ZNF595: variants seen among roughly 807,000 people sequenced by gnomAD.
ZNF595 encodes zinc finger protein 595.
Under a neutral mutation model 19.4 loss-of-function variants are expected in ZNF595, and 9 were observed. That is an observed-to-expected ratio of 0.46 (90% CI 0.28 to 0.81). ZNF595 has a LOEUF of 0.81. Ranked by LOEUF, ZNF595 falls within the 30% of genes least tolerant of loss-of-function variation. ZNF595 has a pLI of 0.11. For synonymous variants in ZNF595, 255 were observed against 255.9 expected (o/e 1.00, Z 0.03); for missense variants, 729 against 736.0 (o/e 0.99, Z 0.11).
At chr4:82,372 G>GTTTTTTTTTTTTTT (rs34932652) in intron 3 of ZNF595, among the ~76,000 whole-genome samples, 1 of 85,922 alleles carries the variant, frequency 1.2e-5, no homozygotes, top group African/African-American at 4.3e-5. Context: ...TTGGTTTGTG[G>GTTTTTTTTTTTTTT]TTTTTTTTTT....
rs956236775 is a variant in ZNF595 at position 79,057 on chromosome 4, A to G, written c.227-6674A>G. On this transcript the variant is annotated intron_variant, in intron 3 of 3. Coordinates refer to ENST00000610261, the MANE Select transcript of ZNF595 (RefSeq NM_182524.4). ...TTACTTTATTTTGCAATGGATCTCT[A>G]GATTAATTTTACCTTACAAAAGTAA... Among the ~76,000 whole-genome samples, 9 of 152,246 alleles carry G rather than the reference A, an allele frequency of 5.9e-5. 1 individual carries two copies. The South Asian group carries it at 1.9e-3, about 31-fold the overall frequency.
At chr4:85,047 A>G (rs544583873) in intron 3 of ZNF595, among the ~76,000 whole-genome samples, 1 of 152,336 alleles carries the variant, frequency 6.6e-6, no homozygotes, top group African/African-American at 2.4e-5. Context: ...TTGTCCTGAC[A>G]TAGTCTGAAA....
At chr4:78,139 G>A (rs889116984) in intron 3 of ZNF595, among the ~76,000 whole-genome samples, 8 of 152,262 alleles carry the variant, frequency 5.3e-5, no homozygotes, top group African/African-American at 1.7e-4. Flanking sequence ...CTCCCGAGTA[G>A]CTGGGACTAC....
intron 3 of ZNF595, among the ~76,000 whole-genome samples, chr4:80,322 G>C (rs565875504): frequency 3.3e-5 from 5 of 152,156 alleles, no homozygotes; most frequent in Non-Finnish European, 5.9e-5. Flanking sequence ...CCCTGCTTGA[G>C]CATGTCTTTG....
rs782522413 is a variant in ZNF595, at chr4:87,154, C to G, written c.1650C>G (p.Ala550=). The change falls in exon 4 of 4, where the codon GCC becomes GCG. Residue 550 remains alanine, a synonymous_variant. Coordinates refer to ENST00000610261, the MANE Select transcript of ZNF595 (RefSeq NM_182524.4). ...GCAAAGCCTTTACTCGGTCCACAGCCCTGAATGAACATAAGAAAATTCATT... is the reference window on the plus strand; with the variant it reads ...GCAAAGCCTTTACTCGGTCCACAGCGCTGAATGAACATAAGAAAATTCATT... ...ECGKAFTRST[A]LNEHKKIHSG... The G allele has an allele frequency of 1.1e-5, 18 of 1,613,644 alleles. No homozygotes were observed. Among genetic ancestry groups the G allele is most frequent in the Non-Finnish European group, 1.4e-5 (17 of 1,179,860 alleles).
intron 3 of ZNF595, among the ~76,000 whole-genome samples, chr4:67,043 C>T (rs1713150098): frequency 1.4e-5 from 2 of 142,000 alleles, no homozygotes; most frequent in South Asian, 4.7e-4. Context: ...TTAACAATAT[C>T]AAATCAACTG....
At chr4:74,698 TGAG>T (rs1325457582) in intron 3 of ZNF595, among the ~76,000 whole-genome samples, 5 of 152,122 alleles carry the variant, frequency 3.3e-5, no homozygotes, top group African/African-American at 1.2e-4. Context: ...AGACTGGAAG[TGAG>T]GAGGGGGCTT....
chr4:80,666 G>T (rs1467891417), intron 3 of ZNF595, among the ~76,000 whole-genome samples: 1 of 152,084 alleles, frequency 6.6e-6, no homozygotes, highest in Non-Finnish European at 1.5e-5. Context: ...CAGGGACAGG[G>T]GTCACAAGGT....
intron 3 of ZNF595, among the ~76,000 whole-genome samples, chr4:66,752 T>C (rs1713131320): frequency 1.3e-5 from 2 of 152,254 alleles, no homozygotes; most frequent in South Asian, 2.1e-4. Context: ...TTTGAACATA[T>C]ACACAGTGGT....
intron 3 of ZNF595, among the ~76,000 whole-genome samples, chr4:64,388 A>C (rs1712995646): frequency 1.3e-5 from 2 of 152,296 alleles, no homozygotes; most frequent in Admixed American, 6.5e-5. Flanking sequence ...TCCATATAGT[A>C]ACAACAAACT....
chr4:63,365 A>G (rs1712927561), intron 3 of ZNF595, among the ~76,000 whole-genome samples: 1 of 149,460 alleles, frequency 6.7e-6, no homozygotes, highest in Admixed American at 6.7e-5. Flanking sequence ...TCAAATTTTG[A>G]TAGGGATGAC....
intron 3 of ZNF595, among the ~76,000 whole-genome samples, chr4:83,619 CAAAAAAAAAAAA>C (rs71164492): frequency 0.093 from 3,589 of 38,616 alleles, 96 homozygotes; most frequent in Middle Eastern, 0.15. Flanking sequence ...GACTCCGTCT[CAAAAAAAAAAAA>C]AAAAAAAAAA....
intron 3 of ZNF595, among the ~76,000 whole-genome samples, chr4:75,813 GT>G (rs75823121): frequency 8.9e-4 from 117 of 131,036 alleles, no homozygotes; most frequent in Non-Finnish European, 1.0e-3. Flanking sequence ...TTTTTTGGTT[GT>G]TTTTTTTTTT....
chr4:86,867 G>C lies in ZNF595; in HGVS notation c.1363G>C (p.Glu455Gln), dbSNP rs782757318. The C allele has an allele frequency of 5.6e-6, 9 of 1,613,004 alleles. No homozygotes were observed. The highest frequency in any genetic ancestry group is 7.6e-6 in the Non-Finnish European group (9 of 1,179,646). Residue 455 changes from glutamate to glutamine, a missense_variant, in exon 4 of 4, where the codon GAA becomes CAA. Glu to Gln is a conservative substitution (Grantham distance 29). This residue lies in a region of ZNF595 where 729 missense variants were observed against 675.3 expected (regional missense o/e 1.08). Coordinates refer to ENST00000610261, the MANE Select transcript of ZNF595 (RefSeq NM_182524.4). ...TTCTGGGCAAAAACCTTACAAATGT[G>C]AAGAATGTGGCAAAGCCTTTACACG... is the stretch of plus-strand genomic sequence containing the variant. The part of the protein sequence containing the change: ...IHSGQKPYKC[E>Q]ECGKAFTRST...
At chr4:78,949 T>C (rs1417687231) in intron 3 of ZNF595, among the ~76,000 whole-genome samples, 3 of 152,340 alleles carry the variant, frequency 2.0e-5, no homozygotes, top group Non-Finnish European at 4.4e-5. Flanking sequence ...CGCCTCGGCC[T>C]CCGAAAGTGC....
In ZNF595 at chr4:85,771, G is replaced by A. The variant is rs374392133; in HGVS notation, c.267G>A (p.Gln89=). The A allele has an allele frequency of 1.9e-6, 3 of 1,609,798 alleles. No individual in the cohort carries two copies. Among genetic ancestry groups the A allele is most frequent in the East Asian group, 2.2e-5 (1 of 44,802 alleles). ...SPFSQDLSPV[Q]GIEDSFHKLI... ...TCAGCCAAGACCTTTCACCAGTGCA[G>A]GGGATAGAAGATTCATTCCACAAAC... Residue 89 remains glutamine, a synonymous_variant, in exon 4 of 4, where the codon CAG becomes CAA. Coordinates refer to ENST00000610261, the MANE Select transcript of ZNF595 (RefSeq NM_182524.4).
At chr4:73,982 T>C (rs1713538748) in intron 3 of ZNF595, among the ~76,000 whole-genome samples, 2 of 152,088 alleles carry the variant, frequency 1.3e-5, no homozygotes, top group South Asian at 4.1e-4. Context: ...GTTTGGTTGG[T>C]GTTCAGCAAA....
At chr4:60,685 G>T (rs1581322120) in intron 3 of ZNF595, among the ~76,000 whole-genome samples, 2 of 152,364 alleles carry the variant, frequency 1.3e-5, no homozygotes, top group African/African-American at 4.8e-5. Flanking sequence ...ACGTATACAT[G>T]TGCCATGCTG....
intron 3 of ZNF595, among the ~76,000 whole-genome samples, chr4:66,810 C>A (rs1411555065): frequency 2.0e-5 from 3 of 152,208 alleles, no homozygotes; most frequent in Admixed American, 1.3e-4. Flanking sequence ...TGTCTTCTTG[C>A]AAGTACCACA....
Sources: gnomAD v4.1 joint callset for allele counts (sites outside exome capture counted in the v4.1 genomes callset) on GRCh38, gnomAD v4.1.1 for gene constraint, gnomAD v4.1.1 regional missense constraint, MANE v1.5 for transcripts, NCBI Gene and HGNC (gene_info 2026-07-23, HGNC 2026-07-21) for gene names.